BRIP1: variants seen among roughly 807,000 people sequenced by gnomAD.
BRIP1 encodes Fanconi anemia group J protein.
In BRIP1, 88 loss-of-function variants were observed where a neutral mutation model predicts 119.7. That is an observed-to-expected ratio of 0.74 (90% CI 0.62 to 0.88). BRIP1 has a LOEUF of 0.88. BRIP1 is among the 40% of genes least tolerant of loss of function. BRIP1 has a pLI of 0.00. For missense variants in BRIP1, 1,259 were observed against 1,455.4 expected (o/e 0.87, Z 2.20); for synonymous variants, 443 against 496.5 (o/e 0.89, Z 1.43).
In BRIP1 at chr17:61,804,294, G is replaced by T. The variant is rs547111192; in HGVS notation, c.919-2820C>A. Among the ~76,000 whole-genome samples the T allele has an allele frequency of 1.3e-5, 2 of 151,876 alleles. No individual in the cohort carries two copies. Among genetic ancestry groups the T allele is most frequent in the African/African-American group, 4.8e-5 (2 of 41,430 alleles). ...TTAATTCTACTATTTATTTTAAAACGATTTTGAAATAAAAATATTTATTTT... is the reference window on the plus strand; with the variant it reads ...TTAATTCTACTATTTATTTTAAAACTATTTTGAAATAAAAATATTTATTTT... On this transcript the variant is annotated intron_variant, in intron 7 of 19. Coordinates refer to ENST00000259008, the MANE Select transcript of BRIP1 (RefSeq NM_032043.3). This position sits in a 1 kb window ranked among gnomAD's most constrained non-coding sequence, Gnocchi z 4.5.
At chr17:61,839,313 C>A (rs1026447012) in intron 6 of BRIP1, among the ~76,000 whole-genome samples, 1 of 151,652 alleles carries the variant, frequency 6.6e-6, no homozygotes, top group Non-Finnish European at 1.5e-5. Flanking sequence ...AATTATATTT[C>A]TATTATAAGT....
rs1011853614 is a variant in BRIP1, at chr17:61,823,369, C to T, written c.628-14612G>A. 1.3e-5 allele frequency among the ~76,000 whole-genome samples: 2 copies of T among 152,142 alleles called. No individual in the cohort carries two copies. The highest frequency in any genetic ancestry group is 4.8e-5 in the African/African-American group (2 of 41,424). On this transcript the variant is annotated intron_variant, in intron 6 of 19. Transcript: ENST00000259008. This position sits in a 1 kb window ranked among gnomAD's most constrained non-coding sequence, Gnocchi z 4.8. Reference sequence around the variant, plus strand: ...GATATATGAAACAGTACTTTTCAGACACTGAATTGTGATCTCAGAGAAAAG... The same window carrying T: ...GATATATGAAACAGTACTTTTCAGATACTGAATTGTGATCTCAGAGAAAAG...
chr17:61,858,327 G>A (rs986142758), intron 3 of BRIP1, among the ~76,000 whole-genome samples: 2 of 151,238 alleles, frequency 1.3e-5, no homozygotes, highest in East Asian at 1.9e-4. Context: ...CAAAATTAAC[G>A]TCAGTGAGAA....
In BRIP1 at chr17:61,808,392, C is replaced by T. The variant is rs2145408385; in HGVS notation, c.918+75G>A. ...CGAAGTTGATTATCACTAAAATGTA[C>T]ATATAAAACACATACTGAGTAATTT... On this transcript the variant is annotated intron_variant, in intron 7 of 19. Coordinates refer to ENST00000259008, the MANE Select transcript of BRIP1 (RefSeq NM_032043.3). This position sits in a 1 kb window ranked among gnomAD's most constrained non-coding sequence, Gnocchi z 4.1. The T allele has an allele frequency of 4.9e-6, 7 of 1,432,958 alleles. No individual in the cohort carries two copies. 88.8% of individuals were successfully genotyped at this position (1,432,958 alleles called of 1,614,324 possible).
At chr17:61,707,343 C>CT (rs34188751) in intron 17 of BRIP1, among the ~76,000 whole-genome samples, 92,587 of 151,854 alleles carry the variant, frequency 0.61, 28,858 homozygotes, top group Admixed American at 0.74. Flanking sequence ...TCTTTATCCC[C>CT]GGTACTTGGA....
rs1567829230 is a variant in BRIP1 at position 61,799,167 on chromosome 17, T to C, written c.1273A>G (p.Met425Val). The C allele has an allele frequency of 6.2e-7, 1 of 1,613,760 alleles. No individual in the cohort carries two copies. The highest frequency in any genetic ancestry group is 8.5e-7 in the Non-Finnish European group (1 of 1,179,728). ...LRFARDELDS[M>V]VNNNIRKKDH... ...TTCTTCCTTATATTATTGTTGACCA[T>C]ACTATCTAGTTCATCCCGAGCAAAC... Residue 425 changes from methionine (M) to valine (V), a missense_variant, in exon 9 of 20, where the codon ATG (methionine) becomes GTG (valine). By Grantham distance (21) the Met-to-Val change is conservative (BLOSUM62 1). Around this residue, in one of 3 missense-constraint regions of BRIP1, gnomAD observed 501 missense variants for 544.0 expected, o/e 0.92. Transcript: ENST00000259008. This position sits in a 1 kb window ranked among gnomAD's most constrained non-coding sequence, Gnocchi z 5.1.
intron 17 of BRIP1, among the ~76,000 whole-genome samples, chr17:61,712,092 A>T (rs1447020829): frequency 6.6e-6 from 1 of 152,158 alleles, no homozygotes; most frequent in Non-Finnish European, 1.5e-5. Flanking sequence ...GGCTAATGTA[A>T]ATACACAAGA....
chr17:61,716,714 C>A (rs2061869399), intron 16 of BRIP1, among the ~76,000 whole-genome samples: 1 of 43,850 alleles, frequency 2.3e-5, no homozygotes, highest in Admixed American at 1.6e-4. Flanking sequence ...TGCTTCCCCC[C>A]TACCCCCCCA....
Position 61,804,310 on chromosome 17 carries a change from T to C in BRIP1, c.919-2836A>G, listed in dbSNP as rs1002458795. ...TTTTAAAACGATTTTGAAATAAAAA[T>C]ATTTATTTTTCCTAGTTTGCTATCC... On this transcript the variant is annotated intron_variant, in intron 7 of 19. Transcript: ENST00000259008. The surrounding 1 kb of genome is among the most constrained non-coding windows in gnomAD (Gnocchi z 4.5). Among the ~76,000 whole-genome samples, 1 of 152,104 alleles carries C rather than the reference T, an allele frequency of 6.6e-6. No homozygotes were observed. Among genetic ancestry groups the C allele is most frequent in the African/African-American group, 2.4e-5 (1 of 41,420 alleles).
At position 61,748,026 on chromosome 17, in the gene BRIP1, C is replaced by G. The variant is rs1482144940; in HGVS notation, c.2098-3435G>C. ...GTGCTGGGATTACAGGTGTGAGCCACTATGCACAGTCCTCTATGAAACATT... is the reference window on the plus strand; with the variant it reads ...GTGCTGGGATTACAGGTGTGAGCCAGTATGCACAGTCCTCTATGAAACATT... On this transcript the variant is annotated intron_variant, in intron 14 of 19. Transcript: ENST00000259008. This position sits in a 1 kb window ranked among gnomAD's most constrained non-coding sequence, Gnocchi z 4.7. 2.0e-5 allele frequency among the ~76,000 whole-genome samples: 3 copies of G among 151,998 alleles called. No homozygotes were observed. The highest frequency in any genetic ancestry group is 7.2e-5 in the African/African-American group (3 of 41,384).
At position 61,752,665 on chromosome 17, in the gene BRIP1, T is replaced by C. The variant is rs2077147043; in HGVS notation, c.2098-8074A>G. 6.6e-6 allele frequency among the ~76,000 whole-genome samples: 1 copy of C among 152,228 alleles called. No homozygotes were observed. The highest frequency in any genetic ancestry group is 1.5e-5 in the Non-Finnish European group (1 of 68,026). ...CGTGAATCCTTAAATGCTCTCTGAA[T>C]AGGCCAATCATCATACTTTTTCTTC... On this transcript the variant is annotated intron_variant, in intron 14 of 19. Coordinates refer to ENST00000259008, the MANE Select transcript of BRIP1 (RefSeq NM_032043.3). This position sits in a 1 kb window ranked among gnomAD's most constrained non-coding sequence, Gnocchi z 6.2.
intron 16 of BRIP1, among the ~76,000 whole-genome samples, chr17:61,732,011 A>G (rs2076854414): frequency 9.3e-6 from 1 of 107,222 alleles, no homozygotes; most frequent in Non-Finnish European, 1.7e-5. Context: ...TTTGAGACAG[A>G]GTCTCTGTCA....
chr17:61,833,260 A>G (rs1014489753), intron 6 of BRIP1, among the ~76,000 whole-genome samples: 3 of 152,244 alleles, frequency 2.0e-5, no homozygotes, highest in Non-Finnish European at 4.4e-5. Context: ...AATTTTGTCA[A>G]CTTTCTCTGA....
rs2076823855 is a variant in BRIP1, at chr17:61,730,062, A to G, written c.2379+12951T>C. 6.6e-6 allele frequency among the ~76,000 whole-genome samples: 1 copy of G among 152,228 alleles called. No homozygotes were observed. Among genetic ancestry groups the G allele is most frequent in the African/African-American group, 2.4e-5 (1 of 41,482 alleles). On this transcript the variant is annotated intron_variant, in intron 16 of 19. Transcript: ENST00000259008. This position sits in a 1 kb window ranked among gnomAD's most constrained non-coding sequence, Gnocchi z 4.3. ...TATACTTGATGCAGTAGGAAAATAC[A>G]CTGAGTTATTTGTATAGCTTACTAT...
chr17:61,785,933 G>GT (rs894301737), intron 10 of BRIP1, among the ~76,000 whole-genome samples: 3 of 151,706 alleles, frequency 2.0e-5, no homozygotes, highest in Admixed American at 1.3e-4. Flanking sequence ...TGGGTTGGGG[G>GT]GGGTAGAAAA....
At chr17:61,733,822 C>T (rs899890205) in intron 16 of BRIP1, among the ~76,000 whole-genome samples, 3 of 150,764 alleles carry the variant, frequency 2.0e-5, no homozygotes, top group African/African-American at 7.3e-5. Flanking sequence ...AAAAAACCCA[C>T]AAATATAAAA....
At position 61,683,067 on chromosome 17, in the gene BRIP1, G is replaced by C. The variant is rs1442069240; in HGVS notation, c.*229C>G. The C allele has an allele frequency of 2.1e-6, 1 of 481,182 alleles. No individual in the cohort carries two copies. Among genetic ancestry groups the C allele is most frequent in the African/African-American group, 2.0e-5 (1 of 50,986 alleles). 29.8% of individuals were successfully genotyped at this position (481,182 alleles called of 1,614,324 possible). ...GAATCACTTGAACCTGGAGGTGAAG[G>C]TTGCAGTGAGCCCAGAGCACACCAC... On this transcript the variant is annotated 3_prime_UTR_variant, in exon 20 of 20. Coordinates refer to ENST00000259008, the MANE Select transcript of BRIP1 (RefSeq NM_032043.3). The surrounding 1 kb of genome is among the most constrained non-coding windows in gnomAD (Gnocchi z 4.7).
chr17:61,824,831 T>C lies in BRIP1; in HGVS notation c.628-16074A>G, dbSNP rs181236869. On this transcript the variant is annotated intron_variant, in intron 6 of 19. Coordinates refer to ENST00000259008, the MANE Select transcript of BRIP1 (RefSeq NM_032043.3). This position sits in a 1 kb window ranked among gnomAD's most constrained non-coding sequence, Gnocchi z 4.3. ...GCAACACACCAAATGGGAGAAAATA[T>C]TTACAAATCATGTATCCAATAAGGT... 1.9e-4 allele frequency among the ~76,000 whole-genome samples: 29 copies of C among 152,206 alleles called. No individual in the cohort carries two copies. The highest frequency in any genetic ancestry group is 6.7e-4 in the African/African-American group (28 of 41,510).
At position 61,683,188 on chromosome 17, in the gene BRIP1, A is replaced by C; in HGVS notation, c.*108T>G. ...ACATTTACATTTCTGAACATAAAAT[A>C]GTTTTTTAAAAAGTATGCCACTTAT... On this transcript the variant is annotated 3_prime_UTR_variant, in exon 20 of 20. Transcript: ENST00000259008. The surrounding 1 kb of genome is among the most constrained non-coding windows in gnomAD (Gnocchi z 4.7). 1 of 1,265,898 alleles carries C rather than the reference A, an allele frequency of 7.9e-7. No homozygotes were observed. The highest frequency in any genetic ancestry group is 1.1e-6 in the Non-Finnish European group (1 of 899,826). The allele number at this position is 1,265,898 out of a possible 1,614,324, so 78.4% of individuals were successfully genotyped here.
Sources: allele counts gnomAD v4.1 joint callset (sites outside exome capture counted in the v4.1 genomes callset), GRCh38; gene constraint gnomAD v4.1.1; regional missense constraint gnomAD v4.1.1; non-coding constraint Gnocchi (gnomAD v3.1); transcripts MANE v1.5; gene names NCBI Gene and HGNC (gene_info 2026-07-23, HGNC 2026-07-21).